Variants in PPP1R13L observed in about 807,000 individuals in gnomAD.
PPP1R13L encodes the protein protein phosphatase 1 regulatory subunit 13 like, also known as relA-associated inhibitor.
In PPP1R13L, 50 loss-of-function variants were observed where a neutral mutation model predicts 80.9. That is an observed-to-expected ratio of 0.62 (90% CI 0.49 to 0.78). The LOEUF (loss-of-function observed/expected upper bound fraction) is 0.78. Ranked by LOEUF, PPP1R13L falls within the 30% of genes least tolerant of loss-of-function variation. The probability of loss-of-function intolerance (pLI) is 0.00; values close to 1 mark genes in which losing one functional copy is unlikely to be tolerated. For synonymous variants in PPP1R13L, 602 were observed against 534.3 expected (o/e 1.13, Z -1.75); for missense variants, 1,200 against 1,205.9 (o/e 1.00, Z 0.07).
At chr19:45,402,926 A>T (rs1312663347) in intron 1 of PPP1R13L, among the ~76,000 whole-genome samples, 1 of 152,164 alleles carries the variant, frequency 6.6e-6, no homozygotes, top group Non-Finnish European at 1.5e-5. Context: ...TGAGCTGGGA[A>T]CACCCAGGCT....
chr19:45,403,983 G>T (rs1299764265), intron 1 of PPP1R13L, among the ~76,000 whole-genome samples: 1 of 152,050 alleles, frequency 6.6e-6, no homozygotes, highest in East Asian at 1.9e-4. Context: ...CAGACAGATG[G>T]GCGTGGAGGT....
intron 8 of PPP1R13L, among the ~76,000 whole-genome samples, chr19:45,391,226 A>G (rs1972966827): frequency 6.6e-6 from 1 of 151,064 alleles, no homozygotes; most frequent in African/African-American, 2.4e-5. Flanking sequence ...AGGAGAGAGC[A>G]GAGCAGACAC....
At position 45,396,467 on chromosome 19, in the gene PPP1R13L, G is replaced by A. The variant is rs747419590; in HGVS notation, c.713-31C>T. 2.0e-5 allele frequency: 33 copies of A among 1,613,094 alleles called. No homozygotes were observed. Among genetic ancestry groups the A allele is most frequent in the Non-Finnish European group, 2.7e-5 (32 of 1,179,758 alleles). On this transcript the variant is annotated intron_variant, in intron 4 of 12. Transcript: ENST00000360957. The surrounding 1 kb of genome is among the most constrained non-coding windows in gnomAD (Gnocchi z 5.3). Reference sequence around the variant, plus strand: ...GAGAAGTTTCCAGGGAGGATGAGACGGGAGGGGTGGCGAGCCCCGGATCCT... The same window carrying A: ...GAGAAGTTTCCAGGGAGGATGAGACAGGAGGGGTGGCGAGCCCCGGATCCT...
At position 45,382,565 on chromosome 19, in the gene PPP1R13L, G is replaced by A; in HGVS notation, c.2410C>T (p.His804Tyr). 6.2e-7 allele frequency: 1 copy of A among 1,613,336 alleles called. No individual in the cohort carries two copies. The highest frequency in any genetic ancestry group is 8.5e-7 in the Non-Finnish European group (1 of 1,179,850). ...EETDWWWAALHGQEGYVPRNY... is the reference protein window; with the variant it reads ...EETDWWWAALYGQEGYVPRNY... ...CGCGGCACGTAGCCCTCCTGGCCGT[G>A]CAGCGCGGCCCACCACCAGTCGGTC... Residue 804 changes from histidine to tyrosine, a missense_variant, in exon 12 of 13, where the codon CAC becomes TAC. His to Tyr is a moderately conservative substitution (Grantham distance 83). This residue lies in a region of PPP1R13L where 165 missense variants were observed against 177.1 expected (regional missense o/e 0.93). Coordinates refer to ENST00000360957, the MANE Select transcript of PPP1R13L (RefSeq NM_006663.4).
chr19:45,391,571 G>A (rs1212789177), intron 8 of PPP1R13L, among the ~76,000 whole-genome samples: 1 of 152,184 alleles, frequency 6.6e-6, no homozygotes, highest in African/African-American at 2.4e-5. Flanking sequence ...CCCAGGTTCT[G>A]CCTGAAACAG....
chr19:45,381,855 A>C (rs1177266396), intron 12 of PPP1R13L, among the ~76,000 whole-genome samples: 1 of 151,542 alleles, frequency 6.6e-6, no homozygotes, highest in African/African-American at 2.4e-5. Flanking sequence ...AGGGAGGATC[A>C]CTTGAGCCCG....
In PPP1R13L at chr19:45,395,529, G is replaced by C. The variant is rs1263918977; in HGVS notation, c.1261C>G (p.Gln421Glu). The C allele has an allele frequency of 2.0e-6, 3 of 1,494,644 alleles. No individual in the cohort carries two copies. Among genetic ancestry groups the C allele is most frequent in the South Asian group, 2.6e-5 (2 of 77,710 alleles). 92.6% of individuals were successfully genotyped at this position (1,494,644 alleles called of 1,614,324 possible). A position where few individuals can be genotyped will look rare whatever the true frequency, so the allele number is the denominator to read the frequency against. ...TGGGGCTGTGGGGGCAGCTGGGGCT[G>C]TGGTTGTGATTGTGGCTGGGGCTGT... ...QPQPQPQSQP[Q>E]PQLPPQPQTQ... is the part of the protein sequence containing the mutation. The change falls in exon 7 of 13, where the codon CAG becomes GAG. Residue 421 changes from glutamine to glutamate, a missense_variant. Around this residue, in one of 5 missense-constraint regions of PPP1R13L, gnomAD observed 764 missense variants for 714.5 expected, o/e 1.07. Transcript: ENST00000360957.
rs113381660 is a variant in PPP1R13L, at chr19:45,383,981, T to C, written c.2249-1255A>G. 3.9e-5 allele frequency among the ~76,000 whole-genome samples: 6 copies of C among 151,958 alleles called. 1 individual carries two copies. Among genetic ancestry groups the C allele is most frequent in the African/African-American group, 1.2e-4 (5 of 41,460 alleles). On this transcript the variant is annotated intron_variant, in intron 11 of 12. Transcript: ENST00000360957. ...GGTTTCACCGTGTTGCCCAGGCTGG[T>C]TTGGAAATCCTGAGCTCATGCAATC...
intron 8 of PPP1R13L, among the ~76,000 whole-genome samples, chr19:45,387,618 G>C (rs967765156): frequency 3.9e-5 from 6 of 151,984 alleles, no homozygotes; most frequent in African/African-American, 1.4e-4. Flanking sequence ...GCAGTGGTGC[G>C]ATCTCAGCTC....
rs1973089830 is a variant in PPP1R13L, at chr19:45,396,262, G to A, written c.812-3C>T. On this transcript the variant is annotated splice_polypyrimidine_tract_variant and splice_region_variant and intron_variant, in intron 5 of 12. Transcript: ENST00000360957. The surrounding 1 kb of genome is among the most constrained non-coding windows in gnomAD (Gnocchi z 5.3). Reference sequence around the variant, plus strand: ...AGGCCTTGCGAAGACGTCCAGGCCTGCGGGGCGGGAATCATTAGGGTCTGT... The same window carrying A: ...AGGCCTTGCGAAGACGTCCAGGCCTACGGGGCGGGAATCATTAGGGTCTGT... 3 of 1,612,204 alleles carry A rather than the reference G, an allele frequency of 1.9e-6. No individual in the cohort carries two copies. The highest frequency in any genetic ancestry group is 4.5e-5 in the East Asian group (2 of 44,844).
intron 12 of PPP1R13L, among the ~76,000 whole-genome samples, chr19:45,380,696 G>A (rs1404178270): frequency 2.0e-5 from 3 of 151,978 alleles, no homozygotes; most frequent in East Asian, 1.9e-4. Flanking sequence ...GTGCATGCCC[G>A]TAATCCCAGC....
At position 45,392,140 on chromosome 19, in the gene PPP1R13L, G is replaced by A. The variant is rs1156855436; in HGVS notation, c.1555C>T (p.Arg519Trp). 2 of 1,578,100 alleles carry A rather than the reference G, an allele frequency of 1.3e-6. No individual in the cohort carries two copies. Among genetic ancestry groups the A allele is most frequent in the African/African-American group, 1.3e-5 (1 of 74,186 alleles). ...EVARVLAEIP[R>W]PLKRRGSMEQ... ...ATGGAGCCCCTGCGTTTGAGGGGCC[G>A]GGGAATTTCCGCCAACACCCGTGCC... The change falls in exon 8 of 13, where the codon CGG becomes TGG. Residue 519 changes from arginine (R) to tryptophan (W), a missense_variant. By Grantham distance (101) the Arg-to-Trp change is moderately radical. Transcript: ENST00000360957.
chr19:45,380,081 C>G lies in PPP1R13L; in HGVS notation c.*109G>C. The G allele has an allele frequency of 7.9e-7, 1 of 1,264,254 alleles. No homozygotes were observed. The highest frequency in any genetic ancestry group is 1.1e-6 in the Non-Finnish European group (1 of 882,924). 78.3% of individuals were successfully genotyped at this position (1,264,254 alleles called of 1,614,324 possible). On this transcript the variant is annotated 3_prime_UTR_variant, in exon 13 of 13. Transcript: ENST00000360957. Reference sequence around the variant, plus strand: ...AGAGAACCGGTGGCAAGGACCACCACCAGCAGGGTGAGGGGTGCAGATAAA... The same window carrying G: ...AGAGAACCGGTGGCAAGGACCACCAGCAGCAGGGTGAGGGGTGCAGATAAA...
Position 45,396,486 on chromosome 19 carries a change from G to A in PPP1R13L, c.713-50C>T, listed in dbSNP as rs761388610. 3.1e-6 allele frequency: 5 copies of A among 1,611,054 alleles called. No individual in the cohort carries two copies. The East Asian group carries it at 1.1e-4, about 36-fold the overall frequency. ...TGAGACGGGAGGGGTGGCGAGCCCC[G>A]GATCCTGCCCGCTTTGACCCCGCGA... On this transcript the variant is annotated intron_variant, in intron 4 of 12. Coordinates refer to ENST00000360957, the MANE Select transcript of PPP1R13L (RefSeq NM_006663.4). The surrounding 1 kb of genome is among the most constrained non-coding windows in gnomAD (Gnocchi z 5.3).
rs758497935 is a variant in PPP1R13L at position 45,398,369 on chromosome 19, A to AAGACCCCGCCCCTCT, written c.-21-45_-21-31dup. The AAGACCCCGCCCCTCT allele has an allele frequency of 2.6e-4, 424 of 1,605,542 alleles. No homozygotes were observed. The African/African-American group carries it at 4.1e-3, about 15-fold the overall frequency. On this transcript the variant is annotated intron_variant, in intron 1 of 12. Coordinates refer to ENST00000360957, the MANE Select transcript of PPP1R13L (RefSeq NM_006663.4). ...ATGGTGGGGAGGGAGGGAGCTGGCT[A>AAGACCCCGCCCCTCT]AGACCCCGCCCCTCTAGACCCCGCC...
chr19:45,385,470 A>G, intron 11 of PPP1R13L, 92 bp downstream of exon 11: 2 of 1,378,534 alleles, frequency 1.5e-6, no homozygotes, highest in Non-Finnish European at 9.7e-7. Context: ...TACAGCCCCC[A>G]TACCCTTCTC....
Position 45,396,666 on chromosome 19 carries a change from G to T in PPP1R13L, c.591C>A (p.Phe197Leu). The change falls in exon 4 of 13, where the codon TTC becomes TTA. Residue 197 changes from phenylalanine to leucine, a missense_variant. Physicochemically the swap from Phe to Leu is conservative, Grantham distance 22. Around this residue, in one of 5 missense-constraint regions of PPP1R13L, gnomAD observed 764 missense variants for 714.5 expected, o/e 1.07. Transcript: ENST00000360957. The surrounding 1 kb of genome is among the most constrained non-coding windows in gnomAD (Gnocchi z 5.3). Reference sequence around the variant, plus strand: ...GGCGCGGTGACGGCCCACGCTCGGGGAAGAAGGCCTGGGGCCCCTCCGCCA... The same window carrying T: ...GGCGCGGTGACGGCCCACGCTCGGGTAAGAAGGCCTGGGGCCCCTCCGCCA... The part of the protein sequence containing the change: ...SPLAEGPQAF[F>L]PERGPSPRPP... 2.1e-6 allele frequency: 3 copies of T among 1,459,946 alleles called. No individual in the cohort carries two copies. Among genetic ancestry groups the T allele is most frequent in the Non-Finnish European group, 2.7e-6 (3 of 1,117,208 alleles). 90.4% of individuals were successfully genotyped at this position (1,459,946 alleles called of 1,614,324 possible).
chr19:45,385,691 CTG>C lies in PPP1R13L; in HGVS notation c.2117_2118del (p.Thr706SerfsTer37). On this transcript the variant is annotated frameshift_variant, in exon 11 of 13. Transcript: ENST00000360957. LOFTEE classifies it high-confidence loss of function. The part of the protein sequence containing the change: ...PLHCAASCND[T>X]VICMALVQHG... ...TGCTGCACCAGCGCCATGCAGATGA[CTG>C]TGTCGTTGCACGACGCCGCGCAGTG... 6.2e-7 allele frequency: 1 copy of C among 1,612,730 alleles called. No homozygotes were observed. The highest frequency in any genetic ancestry group is 8.5e-7 in the Non-Finnish European group (1 of 1,179,678).
rs960127236 is a variant in PPP1R13L at position 45,380,222 on chromosome 19, G to A, written c.2455C>T (p.Pro819Ser). ...YVPRNYFGLFPRVKPQRSKV is the reference protein window; with the variant it reads ...YVPRNYFGLFSRVKPQRSKV ...TTACTCCTTTGAGGCTTCACCCTGG[G>A]GAACAGCTGGGGAGAGACAGGATCT... The change falls in exon 13 of 13, where the codon CCC becomes TCC. Residue 819 changes from proline (P) to serine (S), a missense_variant. Physicochemically the swap from Pro to Ser is moderately conservative, Grantham distance 74. Transcript: ENST00000360957. The A allele has an allele frequency of 1.9e-6, 3 of 1,613,812 alleles. No homozygotes were observed. Among genetic ancestry groups the A allele is most frequent in the Non-Finnish European group, 2.5e-6 (3 of 1,179,990 alleles).
Sources: allele counts gnomAD v4.1 joint callset (sites outside exome capture counted in the v4.1 genomes callset), GRCh38; gene constraint gnomAD v4.1.1; regional missense constraint gnomAD v4.1.1; non-coding constraint Gnocchi (gnomAD v3.1); transcripts MANE v1.5; gene names NCBI Gene and HGNC (gene_info 2026-07-23, HGNC 2026-07-21).